The following GRM7 variants were observed in gnomAD, a reference collection of about 807,000 sequenced individuals.
GRM7 encodes glutamate metabotropic receptor 7, also known as metabotropic glutamate receptor 7.
In GRM7, 35 loss-of-function variants were observed where a neutral mutation model predicts 84.5. That is an observed-to-expected ratio of 0.41 (90% CI 0.32 to 0.55). GRM7 has a LOEUF of 0.55. Among genes scored for constraint, GRM7 ranks in the 20% least tolerant of loss-of-function variants. The probability of loss-of-function intolerance (pLI) is 0.19; values close to 1 mark genes in which losing one functional copy is unlikely to be tolerated. For synonymous variants in GRM7, 487 were observed against 455.1 expected (o/e 1.07, Z -0.89); for missense variants, 1,003 against 1,194.6 (o/e 0.84, Z 2.36).
At chr3:7,611,144 C>T (rs1286376303) in intron 8 of GRM7, among the ~76,000 whole-genome samples, 1 of 152,082 alleles carries the variant, frequency 6.6e-6, no homozygotes, top group African/African-American at 2.4e-5. Flanking sequence ...TTTGCTGAGC[C>T]TCATATTCCT....
intron 8 of GRM7, among the ~76,000 whole-genome samples, chr3:7,640,903 T>G (rs1316912709): frequency 6.6e-6 from 1 of 152,164 alleles, no homozygotes; most frequent in Non-Finnish European, 1.5e-5. Context: ...GACTAACCAC[T>G]AGATATGTCT....
chr3:7,589,416 C>T (rs1013246049), intron 8 of GRM7, among the ~76,000 whole-genome samples: 2 of 152,082 alleles, frequency 1.3e-5, no homozygotes, highest in Non-Finnish European at 2.9e-5. Context: ...GGCCTTGGAA[C>T]CTTTGTATTA....
chr3:7,656,999 CAG>C, intron 8 of GRM7, among the ~76,000 whole-genome samples: 1 of 152,220 alleles, frequency 6.6e-6, no homozygotes, highest in South Asian at 2.1e-4. Context: ...TTTAAATCAA[CAG>C]AGGAAAATCT....
chr3:7,456,622 G>T (rs961077450), intron 6 of GRM7, among the ~76,000 whole-genome samples: 3 of 151,720 alleles, frequency 2.0e-5, no homozygotes, highest in Non-Finnish European at 4.4e-5. Context: ...AGGGCTTCCT[G>T]CATCATTCCT....
chr3:7,549,919 T>C (rs1221952156), intron 7 of GRM7, among the ~76,000 whole-genome samples: 1 of 152,220 alleles, frequency 6.6e-6, no homozygotes, highest in Admixed American at 6.5e-5. Context: ...AGCTATGAAA[T>C]GAACACATCT....
intron 1 of GRM7, among the ~76,000 whole-genome samples, chr3:7,097,687 G>T (rs989834904): frequency 6.6e-6 from 1 of 152,036 alleles, no homozygotes; most frequent in Non-Finnish European, 1.5e-5. Context: ...GTACAAGTTT[G>T]GTCTATATAC....
intron 8 of GRM7, among the ~76,000 whole-genome samples, chr3:7,664,139 G>A (rs373721849): frequency 1.3e-5 from 2 of 152,112 alleles, no homozygotes; most frequent in South Asian, 4.1e-4. Flanking sequence ...ATTTCTTTAA[G>A]GTTACAGCCA....
At chr3:7,578,221 C>T (rs1254229789) in intron 7 of GRM7, among the ~76,000 whole-genome samples, 1 of 152,108 alleles carries the variant, frequency 6.6e-6, no homozygotes, top group Non-Finnish European at 1.5e-5. Flanking sequence ...ACGTTGAGAA[C>T]ACTCTAATGG....
At chr3:7,212,335 C>CCATTCATTCATT (rs144947910) in intron 2 of GRM7, among the ~76,000 whole-genome samples, 2 of 151,774 alleles carry the variant, frequency 1.3e-5, no homozygotes, top group African/African-American at 4.8e-5. Context: ...TTCTTTTTCT[C>CCATTCATTCATT]CATTCATTCA....
chr3:7,339,390 T>C lies in GRM7; in HGVS notation c.1033+32738T>C, dbSNP rs146046831. Among the ~76,000 whole-genome samples the C allele has an allele frequency of 1.7e-3, 256 of 152,262 alleles. 3 individuals are homozygous for C. Among genetic ancestry groups the C allele is most frequent in the Middle Eastern group, 0.014 (4 of 294 alleles). On this transcript the variant is annotated intron_variant, in intron 4 of 9. Coordinates refer to ENST00000357716, the MANE Select transcript of GRM7 (RefSeq NM_000844.4). ...TACACCCTGTTGCCAAGTACAGCAATTGACCACAGGGTTCAAACTTTCCGT... is the reference window on the plus strand; with the variant it reads ...TACACCCTGTTGCCAAGTACAGCAACTGACCACAGGGTTCAAACTTTCCGT...
At position 7,219,272 on chromosome 3, in the gene GRM7, A is replaced by T. The variant is rs374491214; in HGVS notation, c.736+72604A>T. On this transcript the variant is annotated intron_variant, in intron 2 of 9. Coordinates refer to ENST00000357716, the MANE Select transcript of GRM7 (RefSeq NM_000844.4). ...CTGTTGTCTTTGGTTCACACGTCTA[A>T]CCATTCATTTACTGAACGCTACACC... Among the ~76,000 whole-genome samples, 11 of 66,668 alleles carry T rather than the reference A, an allele frequency of 1.6e-4. No individual in the cohort carries two copies. In the East Asian group the frequency reaches 2.6e-3, roughly 16 times the overall value. 43.7% of individuals were successfully genotyped at this position (66,668 alleles called of 152,430 possible).
chr3:7,042,991 G>A (rs182509466), intron 1 of GRM7, among the ~76,000 whole-genome samples: 26 of 152,154 alleles, frequency 1.7e-4, no homozygotes, highest in African/African-American at 5.1e-4. Context: ...TTTGACAGGC[G>A]ATCTAGATCA....
chr3:7,191,865 G>A (rs962466126), intron 2 of GRM7, among the ~76,000 whole-genome samples: 8 of 151,896 alleles, frequency 5.3e-5, no homozygotes, highest in Admixed American at 3.3e-4. Context: ...ACAAATAAAC[G>A]TTACTATATA....
At chr3:7,625,592 C>A (rs1697572993) in intron 8 of GRM7, among the ~76,000 whole-genome samples, 1 of 151,982 alleles carries the variant, frequency 6.6e-6, no homozygotes, top group Admixed American at 6.6e-5. Context: ...TCCTTTGAGC[C>A]CAGGAATTGG....
At chr3:7,482,703 G>A (rs1173459015) in intron 7 of GRM7, among the ~76,000 whole-genome samples, 1 of 152,152 alleles carries the variant, frequency 6.6e-6, no homozygotes, top group Non-Finnish European at 1.5e-5. Flanking sequence ...GAAGAAAGTT[G>A]ATCTAGAGAT....
chr3:7,559,187 G>C (rs901536942), intron 7 of GRM7: 1 of 150,694 alleles, frequency 6.6e-6, no homozygotes, highest in Non-Finnish European at 1.5e-5. Context: ...TTGCACTGAG[G>C]GCATCAACAA....
intron 1 of GRM7, among the ~76,000 whole-genome samples, chr3:7,136,184 ATT>A (rs112649769): frequency 3.3e-5 from 5 of 149,566 alleles, no homozygotes; most frequent in African/African-American, 1.2e-4. Flanking sequence ...ATTTTTATTC[ATT>A]TTTTTTTTCT....
chr3:7,200,100 G>T (rs1696015126), intron 2 of GRM7, among the ~76,000 whole-genome samples: 1 of 152,184 alleles, frequency 6.6e-6, no homozygotes, highest in African/African-American at 2.4e-5. Flanking sequence ...GGTGAGGGAG[G>T]TGGCAGAGAA....
intron 2 of GRM7, among the ~76,000 whole-genome samples, chr3:7,198,036 G>A (rs1413300785): frequency 6.6e-6 from 1 of 151,826 alleles, no homozygotes; most frequent in Non-Finnish European, 1.5e-5. Context: ...TTTAGGTTTT[G>A]TTTTGGAAGT....
Sources: allele counts gnomAD v4.1 joint callset (sites outside exome capture counted in the v4.1 genomes callset), GRCh38; gene constraint gnomAD v4.1.1; transcripts MANE v1.5; gene names NCBI Gene and HGNC (gene_info 2026-07-23, HGNC 2026-07-21).